Variants in ZMYND8 observed in about 807,000 individuals in gnomAD.
ZMYND8 encodes the protein MYND-type zinc finger-containing chromatin reader ZMYND8.
In ZMYND8, 37 loss-of-function variants were observed where a neutral mutation model predicts 140.8. The observed-to-expected ratio is 0.26, with a 90% CI of 0.20 to 0.35. The LOEUF is 0.35. ZMYND8 is among the 10% of genes least tolerant of loss of function. The pLI, the probability that ZMYND8 is intolerant of heterozygous loss-of-function variation, is 1.00. For missense variants in ZMYND8, 1,068 were observed against 1,570.0 expected, an observed-to-expected ratio of 0.68 and a Z score of 5.40; for synonymous variants, 592 against 597.1, an observed-to-expected ratio of 0.99 and a Z score of 0.12.
At chr20:47,254,354 A>G (rs2074424166) in intron 12 of ZMYND8, among the ~76,000 whole-genome samples, 1 of 152,194 alleles carries the variant, frequency 6.6e-6, no homozygotes, top group South Asian at 2.1e-4. Context: ...CTGATGCTCA[A>G]TTCCACTTCT....
chr20:47,265,195 C>G (rs1041021448), intron 11 of ZMYND8, among the ~76,000 whole-genome samples: 5 of 151,962 alleles, frequency 3.3e-5, no homozygotes, highest in Admixed American at 1.3e-4. Context: ...GTAATAGATT[C>G]CCCTTGAGGA....
chr20:47,229,362 A>C (rs2038165103), intron 17 of ZMYND8, among the ~76,000 whole-genome samples: 1 of 152,032 alleles, frequency 6.6e-6, no homozygotes. Context: ...CCAGTACACA[A>C]ATTATTGAAC....
chr20:47,312,111 G>A (rs908793087), intron 2 of ZMYND8, among the ~76,000 whole-genome samples: 9 of 152,136 alleles, frequency 5.9e-5, no homozygotes, highest in East Asian at 1.9e-4. Flanking sequence ...TGAAATCTGC[G>A]AAGATGTCAA....
chr20:47,353,199 C>T (rs2082940124), intron 1 of ZMYND8: 1 of 152,168 alleles, frequency 6.6e-6, no homozygotes, highest in Admixed American at 6.5e-5. Flanking sequence ...TAAAAAGTGT[C>T]TCCCCCCTCA....
In ZMYND8 at chr20:47,347,097, T is replaced by C. The variant is rs540607108; in HGVS notation, c.85+759A>G. Among the ~76,000 whole-genome samples the C allele has an allele frequency of 8.5e-5, 13 of 152,292 alleles. No individual in the cohort carries two copies. In the East Asian group the frequency reaches 1.9e-3, roughly 23 times the overall value. On this transcript the variant is annotated intron_variant, in intron 2 of 22. Transcript: ENST00000471951. ...TTCCAAGAAAGCACTCAGTGACTTGTTGAAGGAATGAAAACACCTTGGTAC... is the reference window on the plus strand; with the variant it reads ...TTCCAAGAAAGCACTCAGTGACTTGCTGAAGGAATGAAAACACCTTGGTAC...
chr20:47,288,833 C>G (rs1569106464), intron 7 of ZMYND8, among the ~76,000 whole-genome samples: 1 of 152,172 alleles, frequency 6.6e-6, no homozygotes, highest in Non-Finnish European at 1.5e-5. Flanking sequence ...CTGGCGTGGT[C>G]TCTAATGCCT....
chr20:47,334,493 G>T (rs1185175614), intron 2 of ZMYND8, among the ~76,000 whole-genome samples: 2 of 151,860 alleles, frequency 1.3e-5, no homozygotes, highest in Non-Finnish European at 2.9e-5. Context: ...CCAGGCACAG[G>T]GGTAACGGGG....
chr20:47,222,860 G>A (rs1184584637), intron 19 of ZMYND8, among the ~76,000 whole-genome samples: 1 of 152,232 alleles, frequency 6.6e-6, no homozygotes, highest in African/African-American at 2.4e-5. Flanking sequence ...CTGTTTTATT[G>A]GCAGACAGCC....
intron 11 of ZMYND8, among the ~76,000 whole-genome samples, chr20:47,273,860 C>A (rs1036410492): frequency 1.7e-4 from 26 of 152,226 alleles, no homozygotes; most frequent in African/African-American, 6.0e-4. Flanking sequence ...TACATACTAT[C>A]TAGCCCCTGA....
intron 2 of ZMYND8, chr20:47,319,880 A>AGGCCCC (rs1166783091): frequency 2.8e-5 from 2 of 71,676 alleles, no homozygotes; most frequent in Non-Finnish European, 5.3e-5. Context: ...CAGCAGGCCC[A>AGGCCCC]GGCCCCAAAG....
At chr20:47,217,829 T>C in intron 21 of ZMYND8, among the ~76,000 whole-genome samples, 1 of 151,904 alleles carries the variant, frequency 6.6e-6, no homozygotes, top group East Asian at 1.9e-4. Context: ...GATAGGCATT[T>C]ATCTGCCTTA....
intron 2 of ZMYND8, among the ~76,000 whole-genome samples, chr20:47,342,407 CGTG>C (rs1213131813): frequency 6.7e-6 from 1 of 148,862 alleles, no homozygotes; most frequent in East Asian, 2.0e-4. Flanking sequence ...ATTAGCCAGG[CGTG>C]GTGGTGCGCT....
chr20:47,274,295 A>G (rs2076130589), intron 11 of ZMYND8, among the ~76,000 whole-genome samples: 1 of 152,234 alleles, frequency 6.6e-6, no homozygotes, highest in African/African-American at 2.4e-5. Context: ...ACAACAAGCA[A>G]TTTAAACACA....
chr20:47,355,839 C>G (rs948183926), intron 1 of ZMYND8, among the ~76,000 whole-genome samples: 2 of 149,804 alleles, frequency 1.3e-5, no homozygotes, highest in Non-Finnish European at 1.5e-5. Flanking sequence ...TCTCTCCCCC[C>G]ACCCCCCAGT....
At chr20:47,336,799 C>G (rs2081418256) in intron 2 of ZMYND8, among the ~76,000 whole-genome samples, 1 of 152,212 alleles carries the variant, frequency 6.6e-6, no homozygotes, top group Non-Finnish European at 1.5e-5. Context: ...AAAATCCCAG[C>G]TGGCCACAGC....
At chr20:47,312,954 A>G (rs2148249006) in intron 2 of ZMYND8, among the ~76,000 whole-genome samples, 1 of 152,272 alleles carries the variant, frequency 6.6e-6, no homozygotes, top group East Asian at 1.9e-4. Flanking sequence ...CTAGAAACAC[A>G]TTCTACAAAC....
At chr20:47,336,701 T>C (rs138382692) in intron 2 of ZMYND8, among the ~76,000 whole-genome samples, 20 of 152,346 alleles carry the variant, frequency 1.3e-4, no homozygotes, top group Non-Finnish European at 2.5e-4. Flanking sequence ...GACCCGGAAA[T>C]GCGTTTTGTT....
chr20:47,257,263 T>TAC (rs998926165), intron 12 of ZMYND8, among the ~76,000 whole-genome samples: 9 of 151,926 alleles, frequency 5.9e-5, no homozygotes, highest in African/African-American at 1.9e-4. Context: ...TCATATACCA[T>TAC]ACACACACAC....
chr20:47,354,557 G>A (rs761471715), intron 1 of ZMYND8: 10 of 152,176 alleles, frequency 6.6e-5, no homozygotes, highest in Non-Finnish European at 1.5e-4. Context: ...GGCCTGCCTT[G>A]CACAGACTTT....
Sources: gnomAD v4.1 joint callset for allele counts (sites outside exome capture counted in the v4.1 genomes callset) on GRCh38, gnomAD v4.1.1 for gene constraint, MANE v1.5 for transcripts, NCBI Gene and HGNC (gene_info 2026-07-23, HGNC 2026-07-21) for gene names.